Variants in OARD1 observed in about 807,000 individuals in gnomAD.
OARD1 encodes the protein O-acyl-ADP-ribose deacylase 1.
In OARD1, 19 loss-of-function variants were observed where a neutral mutation model predicts 19.7. The observed-to-expected ratio is 0.96, with a 90% CI of 0.67 to 1.41. The LOEUF (loss-of-function observed/expected upper bound fraction) is 1.41, where lower values mean the gene tolerates loss of function less well. Among genes scored for constraint, OARD1 ranks in the 40% most tolerant of loss-of-function variants. The pLI is 0.00. For missense variants in OARD1, 190 were observed against 183.8 expected, an observed-to-expected ratio of 1.03 and a Z score of -0.20; for synonymous variants, 70 against 61.8, an observed-to-expected ratio of 1.13 and a Z score of -0.62.
chr6:41,086,519 GGA>G (rs1322991048), intron 1 of OARD1, among the ~76,000 whole-genome samples: 6 of 149,306 alleles, frequency 4.0e-5, no homozygotes, highest in South Asian at 2.2e-4. Context: ...CCTTTGTATA[GGA>G]GTTTTTTTTC....
chr6:41,069,918 A>C, intron 4 of OARD1, 158 bp downstream of exon 4: 1 of 705,056 alleles, frequency 1.4e-6, no homozygotes, highest in Non-Finnish European at 2.6e-6. Flanking sequence ...CCATCACTGG[A>C]CTGGAGTTGT....
At chr6:41,078,968 T>G (rs1327850666) in intron 1 of OARD1, 7 of 720,120 alleles carry the variant, frequency 9.7e-6, no homozygotes, top group Non-Finnish European at 1.4e-5. Flanking sequence ...TCCAGGTTAA[T>G]TGTCTGGTAA....
At chr6:41,078,278 C>T (rs1158774789) in intron 1 of OARD1, among the ~76,000 whole-genome samples, 3 of 152,124 alleles carry the variant, frequency 2.0e-5, no homozygotes, top group Non-Finnish European at 4.4e-5. Context: ...TGATTAATTC[C>T]ACCAGCATGT....
At chr6:41,067,829 AAGG>A (rs749265036) in intron 5 of OARD1, among the ~76,000 whole-genome samples, 1 of 152,242 alleles carries the variant, frequency 6.6e-6, no homozygotes, top group Non-Finnish European at 1.5e-5. Flanking sequence ...TAACGAAAGT[AAGG>A]AGAAGAGGAA....
Position 41,084,088 on chromosome 6 carries a change from C to T in OARD1, c.-41-12413G>A, listed in dbSNP as rs769066664. ...AATGGTGCAGGTCAGTGGAGGCCAG[C>T]TAATCACATCAACTGGCCAACCCAT... On this transcript the variant is annotated intron_variant, in intron 1 of 4. Coordinates refer to the OARD1 transcript ENST00000480585. The T allele has an allele frequency of 6.2e-6, 10 of 1,614,052 alleles. No individual in the cohort carries two copies. In the Admixed American group the frequency reaches 1.7e-4, roughly 27 times the overall value.
Position 41,067,119 on chromosome 6 carries a change from T to A in OARD1, c.*216A>T. 3.0e-6 allele frequency: 1 copy of A among 330,510 alleles called. No individual in the cohort carries two copies. Among genetic ancestry groups the A allele is most frequent in the Non-Finnish European group, 5.6e-6 (1 of 177,514 alleles). The allele number at this position is 330,510 out of a possible 1,614,324, so 20.5% of individuals were successfully genotyped here. On this transcript the variant is annotated 3_prime_UTR_variant, in exon 6 of 6. Coordinates refer to ENST00000424266, the MANE Select transcript of OARD1 (RefSeq NM_001329686.2). ...CCTATTATCAAGCCACCTAACTCCT[T>A]ACTTTTCCACAAAAAAACACAACCA... is the stretch of plus-strand genomic sequence containing the variant.
rs1764134864 is a variant in OARD1 at position 41,089,287 on chromosome 6, A to G, written c.-42+8426T>C. On this transcript the variant is annotated intron_variant, in intron 1 of 4. Transcript: ENST00000480585. ...GCGTGAGCCACCACACCCAGCCCAG[A>G]GTGTATTTTAAATATGCATGCTTTT... Among the ~76,000 whole-genome samples, 2 of 152,314 alleles carry G rather than the reference A, an allele frequency of 1.3e-5. 1 individual carries two copies. The highest frequency in any genetic ancestry group is 4.1e-4 in the South Asian group (2 of 4,830).
chr6:41,096,040 TCTC>T (rs1383417547), intron 1 of OARD1, among the ~76,000 whole-genome samples: 1 of 152,180 alleles, frequency 6.6e-6, no homozygotes, highest in African/African-American at 2.4e-5. Context: ...TAATCTCCAG[TCTC>T]CTCTAATTGG....
chr6:41,086,040 G>A (rs1463078126), intron 1 of OARD1, among the ~76,000 whole-genome samples: 1 of 152,124 alleles, frequency 6.6e-6, no homozygotes, highest in African/African-American at 2.4e-5. Flanking sequence ...AATATATGAG[G>A]CTTTAAATAT....
chr6:41,088,963 A>G (rs1422238499), intron 1 of OARD1, among the ~76,000 whole-genome samples: 1 of 152,088 alleles, frequency 6.6e-6, no homozygotes, highest in Non-Finnish European at 1.5e-5. Flanking sequence ...AAAAAATAAT[A>G]ATAAAGCACT....
chr6:41,073,860 C>G (rs1169365699), upstream of OARD1, among the ~76,000 whole-genome samples: 1 of 152,000 alleles, frequency 6.6e-6, no homozygotes, highest in East Asian at 1.9e-4. Context: ...GTCATTTCCT[C>G]TCTTCCCCGC....
chr6:41,079,125 A>G, intron 1 of OARD1: 2 of 1,614,232 alleles, frequency 1.2e-6, no homozygotes, highest in Non-Finnish European at 1.7e-6. Context: ...ATAGTTCGAC[A>G]GAGCAGATTG....
At chr6:41,069,016 T>C in intron 4 of OARD1, 63 bp from the exon 5 acceptor site, 1 of 814,862 alleles carries the variant, frequency 1.2e-6, no homozygotes, top group Non-Finnish European at 2.0e-6. Flanking sequence ...AGTCATCACA[T>C]TCCCCCAACA....
upstream of OARD1, among the ~76,000 whole-genome samples, chr6:41,074,436 A>AGGGCC (rs1379173320): frequency 6.6e-6 from 1 of 152,212 alleles, no homozygotes; most frequent in African/African-American, 2.4e-5. Context: ...TTAGTGCTAT[A>AGGGCC]AAGGGGCCAA....
intron 1 of OARD1, among the ~76,000 whole-genome samples, chr6:41,080,385 ACTC>A (rs1397885169): frequency 4.6e-5 from 7 of 152,000 alleles, no homozygotes; most frequent in African/African-American, 1.7e-4. Flanking sequence ...GTGATTAATT[ACTC>A]CTCCTTTCTT....
intron 3 of OARD1, 148 bp from the exon 4 acceptor site, chr6:41,070,282 A>G (rs902858546): frequency 4.9e-6 from 3 of 611,980 alleles, no homozygotes; most frequent in Non-Finnish European, 8.8e-6. Context: ...ATTGTCTCCC[A>G]CAAACACTTT....
At chr6:41,084,817 C>G (rs923266971) in intron 1 of OARD1, among the ~76,000 whole-genome samples, 2 of 152,166 alleles carry the variant, frequency 1.3e-5, no homozygotes, top group Non-Finnish European at 2.9e-5. Context: ...AAAAAATTAG[C>G]CGGGCGTGGT....
chr6:41,070,292 T>C (rs1763264534), intron 3 of OARD1, among the ~76,000 whole-genome samples, 158 bp from the exon 4 acceptor site: 1 of 152,372 alleles, frequency 6.6e-6, no homozygotes, highest in Admixed American at 6.5e-5. Context: ...ACAAACACTT[T>C]GCTTTTTATC....
intron 1 of OARD1, among the ~76,000 whole-genome samples, chr6:41,088,515 A>G (rs1166322003): frequency 6.6e-6 from 1 of 152,110 alleles, no homozygotes; most frequent in Non-Finnish European, 1.5e-5. Context: ...GGTCCTCTCA[A>G]GGCCCTTATC....
Sources: gnomAD v4.1 joint callset for allele counts (sites outside exome capture counted in the v4.1 genomes callset) on GRCh38, gnomAD v4.1.1 for gene constraint, MANE v1.5 for transcripts, NCBI Gene and HGNC (gene_info 2026-07-23, HGNC 2026-07-21) for gene names.